Variants in INSL6 observed in about 807,000 individuals in gnomAD.
The protein encoded by INSL6 is insulin like 6, also known as insulin-like peptide INSL6.
Under a neutral mutation model 9.4 loss-of-function variants are expected in INSL6, and 16 were observed. The ratio of observed to expected loss-of-function variants is 1.70; its 90% CI spans 1.15 to 2.59. The LOEUF is 2.59. Among genes scored for constraint, INSL6 ranks in the 30% most tolerant of loss-of-function variants. The probability of loss-of-function intolerance (pLI) is 0.00; values close to 1 mark genes in which losing one functional copy is unlikely to be tolerated. For synonymous variants in INSL6, 154 were observed against 96.9 expected, an observed-to-expected ratio of 1.59 and a Z score of -3.46; for missense variants, 391 against 257.3, an observed-to-expected ratio of 1.52 and a Z score of -3.56.
chr9:5,085,349 T>C, the INSL6 span: 1 of 896,132 alleles, frequency 1.1e-6, no homozygotes, highest in Non-Finnish European at 1.9e-6. Context: ...CCTACATTTT[T>C]TCCGTACTGA....
At chr9:5,181,090 C>A (rs995650819) in intron 1 of INSL6, among the ~76,000 whole-genome samples, 1 of 152,100 alleles carries the variant, frequency 6.6e-6, no homozygotes, top group Admixed American at 6.6e-5. Context: ...AAAATAGAAC[C>A]TACATTGAAA....
At chr9:5,163,112 G>A (rs561353260), downstream of INSL6, among the ~76,000 whole-genome samples, 5 of 152,216 alleles carry the variant, frequency 3.3e-5, no homozygotes, top group African/African-American at 1.2e-4. Context: ...CTTCAGAATA[G>A]CCTAGAAGCC....
At chr9:5,015,143 G>A in the INSL6 span, among the ~76,000 whole-genome samples, 52,987 of 152,002 alleles carry the variant, frequency 0.35, 9,918 homozygotes, top group African/African-American at 0.5. Flanking sequence ...AACAGATTCT[G>A]TAGTATAAAT....
intron 2 of INSL6, among the ~76,000 whole-genome samples, chr9:5,149,920 T>C (rs10815166): frequency 1.3e-5 from 2 of 152,056 alleles, no homozygotes; most frequent in South Asian, 2.1e-4. Flanking sequence ...CAGAACATAA[T>C]AGAGAACCCT....
At chr9:5,089,857 A>T in the INSL6 span, 11 of 1,490,610 alleles carry the variant, frequency 7.4e-6, no homozygotes, top group Non-Finnish European at 9.8e-6. Flanking sequence ...AGTGTGCTAC[A>T]GTGCTGGTAA....
At chr9:5,112,835 G>A in the INSL6 span, 2 of 560,466 alleles carry the variant, frequency 3.6e-6, no homozygotes, top group Non-Finnish European at 5.7e-6. Context: ...CCACAACCCC[G>A]CTGGGCACGT....
the INSL6 span, among the ~76,000 whole-genome samples, chr9:5,073,196 T>C: frequency 1.0e-3 from 154 of 152,362 alleles, no homozygotes; most frequent in Non-Finnish European, 2.0e-3. Flanking sequence ...GTATTGGTGA[T>C]TGTGATTCAC....
the INSL6 span, among the ~76,000 whole-genome samples, chr9:5,035,464 C>T: frequency 6.6e-6 from 1 of 152,178 alleles, no homozygotes; most frequent in Non-Finnish European, 1.5e-5. Flanking sequence ...CCTTGATGAA[C>T]ATTGATGCAA....
At chr9:5,007,418 G>C in the INSL6 span, among the ~76,000 whole-genome samples, 95 of 152,182 alleles carry the variant, frequency 6.2e-4, 1 homozygote, top group East Asian at 0.015. Context: ...ACTTTTGTCA[G>C]TGGTTATATT....
chr9:5,121,417 G>A, downstream of INSL6, among the ~76,000 whole-genome samples: 1 of 152,134 alleles, frequency 6.6e-6, no homozygotes, highest in Middle Eastern at 3.2e-3. Context: ...TTGGTAATTG[G>A]AGTGACTTTG....
the INSL6 span, among the ~76,000 whole-genome samples, chr9:5,023,229 C>T: frequency 6.6e-6 from 1 of 152,194 alleles, no homozygotes; most frequent in Non-Finnish European, 1.5e-5. Flanking sequence ...AACTTTTTAG[C>T]TCCCACATAT....
the INSL6 span, among the ~76,000 whole-genome samples, chr9:5,065,904 ATATT>A: frequency 6.6e-6 from 1 of 152,210 alleles, no homozygotes; most frequent in Non-Finnish European, 1.5e-5. Flanking sequence ...TCTATGCTTA[ATATT>A]TATTTAGTAA....
chr9:5,049,033 A>T, the INSL6 span, among the ~76,000 whole-genome samples: 3 of 152,196 alleles, frequency 2.0e-5, no homozygotes, highest in African/African-American at 7.2e-5. Flanking sequence ...AAAATCGTAG[A>T]ACCTCTGTGT....
chr9:5,175,864 C>T (rs1182135719), intron 1 of INSL6, among the ~76,000 whole-genome samples: 1 of 152,128 alleles, frequency 6.6e-6, no homozygotes, highest in African/African-American at 2.4e-5. Flanking sequence ...ACTGATTCTA[C>T]ATTATGGTAA....
At chr9:5,161,872 G>C (rs1483610877), downstream of INSL6, among the ~76,000 whole-genome samples, 1 of 152,034 alleles carries the variant, frequency 6.6e-6, no homozygotes, top group Non-Finnish European at 1.5e-5. Context: ...TTGAGGCCAG[G>C]AGCCCGGAGA....
At chr9:5,080,772 C>T in the INSL6 span, 1 of 1,018,308 alleles carries the variant, frequency 9.8e-7, no homozygotes, top group East Asian at 2.8e-5. Flanking sequence ...TCCTTTAAAA[C>T]ATTTTCTTGA....
chr9:5,109,852 T>C, the INSL6 span: 1 of 152,178 alleles, frequency 6.6e-6, no homozygotes, highest in Non-Finnish European at 1.5e-5. Flanking sequence ...ACAGTATTCT[T>C]CCAATATTCC....
chr9:5,119,025 T>G (rs1476693983), downstream of INSL6, among the ~76,000 whole-genome samples: 1 of 152,170 alleles, frequency 6.6e-6, no homozygotes, highest in Non-Finnish European at 1.5e-5. Flanking sequence ...TCAGAAAAGT[T>G]TGAAAAAACA....
chr9:5,136,202 C>G (rs763381786), intron 2 of INSL6, among the ~76,000 whole-genome samples: 1 of 152,114 alleles, frequency 6.6e-6, no homozygotes, highest in Admixed American at 6.5e-5. Flanking sequence ...GCAAAGAGGA[C>G]CAGTACCATT....
Sources: gnomAD v4.1 joint callset for allele counts (sites outside exome capture counted in the v4.1 genomes callset) on GRCh38, gnomAD v4.1.1 for gene constraint, MANE v1.5 for transcripts, NCBI Gene and HGNC (gene_info 2026-07-23, HGNC 2026-07-21) for gene names.